Variants in URGCP observed in about 807,000 individuals in gnomAD.
URGCP encodes the protein upregulator of cell proliferation, also known as up-regulator of cell proliferation.
Under a neutral mutation model 24.6 loss-of-function variants are expected in URGCP, and 13 were observed. The ratio of observed to expected loss-of-function variants is 0.53; its 90% CI spans 0.34 to 0.84. URGCP has a LOEUF of 0.84. Ranked by LOEUF, URGCP falls within the 40% of genes least tolerant of loss-of-function variation. The pLI, the probability that URGCP is intolerant of heterozygous loss-of-function variation, is 0.01. For missense variants in URGCP, 899 were observed against 1,194.3 expected (o/e 0.75, Z 3.64); for synonymous variants, 444 against 487.2 (o/e 0.91, Z 1.17).
chr7:43,910,144 G>A (rs1257012200), upstream of URGCP, among the ~76,000 whole-genome samples: 1 of 150,128 alleles, frequency 6.7e-6, no homozygotes, highest in Non-Finnish European at 1.5e-5. Context: ...GGAGGCCAAG[G>A]CAGAAAGATC....
At chr7:43,881,878 A>G (rs73108120) in intron 4 of URGCP, 29 bp downstream of exon 4, 132,087 of 1,612,554 alleles carry the variant, frequency 0.082, 6,163 homozygotes, top group East Asian at 0.18. Context: ...TCCCCAGTCC[A>G]ATCTGTTGCC....
chr7:43,924,058 T>TG (rs2095925796), intron 1 of URGCP, among the ~76,000 whole-genome samples: 2 of 151,584 alleles, frequency 1.3e-5, no homozygotes, highest in African/African-American at 4.9e-5. Flanking sequence ...TTTGTAGAGA[T>TG]GGGGTCTCAC....
Position 43,877,821 on chromosome 7 carries a change from C to A in URGCP, c.1642G>T (p.Val548Leu). The A allele has an allele frequency of 6.2e-7, 1 of 1,607,206 alleles. No homozygotes were observed. Among genetic ancestry groups the A allele is most frequent in the Admixed American group, 1.7e-5 (1 of 59,472 alleles). The stretch of plus-strand genomic sequence containing the variant: ...CTGATCCCCGAGATGAACTCCTGCA[C>A]CCCCGAGGAGGGATCATGGCCGTTC... ...QQNGHDPSSG[V>L]QEFISGISSP... Residue 548 changes from valine (V) to leucine (L), a missense_variant, in exon 6 of 6, where the codon GTG becomes TTG. Transcript: ENST00000453200.
chr7:43,895,015 G>C (rs1316526658), intron 1 of URGCP, among the ~76,000 whole-genome samples: 1 of 152,068 alleles, frequency 6.6e-6, no homozygotes, highest in Non-Finnish European at 1.5e-5. Flanking sequence ...GGGTGACAGA[G>C]AAAGACTCTG....
chr7:43,907,450 T>C (rs958193856), upstream of URGCP, among the ~76,000 whole-genome samples: 1 of 152,094 alleles, frequency 6.6e-6, no homozygotes, highest in African/African-American at 2.4e-5. Flanking sequence ...CTGGGCAACA[T>C]ATTGAGATGA....
intron 3 of URGCP, among the ~76,000 whole-genome samples, chr7:43,886,451 T>G (rs1173401729): frequency 6.6e-6 from 1 of 152,192 alleles, no homozygotes; most frequent in African/African-American, 2.4e-5. Context: ...TTATGAAAGA[T>G]ATATCTAAAA....
chr7:43,918,816 G>A (rs2095918689), intron 1 of URGCP: 5 of 1,216,270 alleles, frequency 4.1e-6, no homozygotes, highest in East Asian at 2.3e-5. Context: ...GGAGGAGTTC[G>A]CTACTGAGGG....
intron 1 of URGCP, among the ~76,000 whole-genome samples, chr7:43,892,730 C>T (rs1274734837): frequency 6.6e-6 from 1 of 152,066 alleles, no homozygotes; most frequent in African/African-American, 2.4e-5. Context: ...TCTAGGGGGA[C>T]ACAAGTCAAC....
At position 43,877,976 on chromosome 7, in the gene URGCP, A is replaced by C. The variant is rs1311577089; in HGVS notation, c.1487T>G (p.Leu496Arg). Residue 496 changes from leucine (L) to arginine (R), a missense_variant, in exon 6 of 6, where the codon CTG becomes CGG. Physicochemically the swap from Leu to Arg is moderately radical, Grantham distance 102. Coordinates refer to ENST00000453200, the MANE Select transcript of URGCP (RefSeq NM_001077663.3). ...TGCCTTTCTCCAGGGGTCCCCCTGC[A>C]GCCTCAGCTCGTCCCTTCTGTAGGC... ...SDAYRRDELR[L>R]QGDPWRKAAQ... 1.2e-6 allele frequency: 2 copies of C among 1,614,074 alleles called. No homozygotes were observed. Among genetic ancestry groups the C allele is most frequent in the Non-Finnish European group, 1.7e-6 (2 of 1,180,048 alleles).
upstream of URGCP, chr7:43,926,417 G>C (rs1427884703): frequency 3.2e-6 from 3 of 936,158 alleles, no homozygotes; most frequent in Non-Finnish European, 4.2e-6. Flanking sequence ...ACAGTGCCCC[G>C]CGCGCGCAAG....
intron 3 of URGCP, among the ~76,000 whole-genome samples, chr7:43,883,896 C>G (rs2095858431): frequency 6.6e-6 from 1 of 152,082 alleles, no homozygotes. Flanking sequence ...ACCACAATGC[C>G]AAGCAGTCCA....
chr7:43,918,610 C>T (rs2095918377), intron 1 of URGCP: 4 of 530,346 alleles, frequency 7.5e-6, no homozygotes, highest in Non-Finnish European at 1.0e-5. Context: ...AAAGAGCGCT[C>T]AGCTTAATTA....
chr7:43,878,442 T>C lies in URGCP; in HGVS notation c.1021A>G (p.Ile341Val). Residue 341 changes from isoleucine (I) to valine (V), a missense_variant, in exon 6 of 6, where the codon ATC (isoleucine) becomes GTC (valine). Coordinates refer to ENST00000453200, the MANE Select transcript of URGCP (RefSeq NM_001077663.3). This position sits in a 1 kb window ranked among gnomAD's most constrained non-coding sequence, Gnocchi z 5.6. Reference protein sequence around the residue: ...PVAFLNLRGDIGSHWLQFKLL... With the variant: ...PVAFLNLRGDVGSHWLQFKLL... ...TTAAACTGCAGCCAGTGAGACCCGA[T>C]GTCACCTCTCAGGTTCAGAAAGGCC... 3 of 1,614,186 alleles carry C rather than the reference T, an allele frequency of 1.9e-6. No individual in the cohort carries two copies. The highest frequency in any genetic ancestry group is 2.2e-5 in the East Asian group (1 of 44,890).
At position 43,903,731 on chromosome 7, in the gene URGCP, T is replaced by C. The variant is rs985658199; in HGVS notation, c.14+2831A>G. Among the ~76,000 whole-genome samples, 15 of 152,122 alleles carry C rather than the reference T, an allele frequency of 9.9e-5. No homozygotes were observed. The East Asian group carries it at 2.7e-3, about 27-fold the overall frequency. ...ATTACACACTACTCCCAATGCTGCA[T>C]ACAATTTCAGAGAACAAAGGGACCC... On this transcript the variant is annotated intron_variant, in intron 1 of 5. Coordinates refer to ENST00000453200, the MANE Select transcript of URGCP (RefSeq NM_001077663.3).
At chr7:43,915,954 A>G (rs542651311) in intron 1 of URGCP, among the ~76,000 whole-genome samples, 6 of 152,248 alleles carry the variant, frequency 3.9e-5, no homozygotes, top group Admixed American at 3.9e-4. Context: ...GGCTGGAGTG[A>G]GCCAAGATTG....
intron 5 of URGCP, chr7:43,881,262 CCCAG>C (rs1483092490): frequency 1.4e-5 from 10 of 702,338 alleles, no homozygotes; most frequent in Non-Finnish European, 2.6e-5. Context: ...AAGCTCTGGG[CCCAG>C]TATCCTGATC....
Position 43,919,935 on chromosome 7 carries a change from A to G in URGCP, c.-116+6197T>C, listed in dbSNP as rs2095920268. 4.5e-6 allele frequency: 6 copies of G among 1,329,532 alleles called. No individual in the cohort carries two copies. In the South Asian group the frequency reaches 5.9e-5, roughly 13 times the overall value. 82.4% of individuals were successfully genotyped at this position (1,329,532 alleles called of 1,614,324 possible). On this transcript the variant is annotated intron_variant, in intron 1 of 5. Coordinates refer to the URGCP transcript ENST00000426198. ...CCTGGAGCCGTTCCGCAAGGAGGAC[A>G]TGTTCAAGGACAACTTTGATGAGAT... is the stretch of plus-strand genomic sequence containing the variant.
intron 1 of URGCP, chr7:43,888,687 CTG>C (rs1005815465): frequency 6.6e-6 from 1 of 152,142 alleles, no homozygotes; most frequent in African/African-American, 2.4e-5. Context: ...CTCGTGTGAA[CTG>C]TGATTTCTAT....
chr7:43,902,095 C>T (rs376961629), intron 1 of URGCP, among the ~76,000 whole-genome samples: 18 of 140,450 alleles, frequency 1.3e-4, no homozygotes, highest in African/African-American at 3.8e-4. Context: ...AGGGGAGGAA[C>T]GGAGACAGAA....
Sources: gnomAD v4.1 joint callset for allele counts (sites outside exome capture counted in the v4.1 genomes callset) on GRCh38, gnomAD v4.1.1 for gene constraint, Gnocchi (gnomAD v3.1) non-coding constraint, MANE v1.5 for transcripts, NCBI Gene and HGNC (gene_info 2026-07-23, HGNC 2026-07-21) for gene names.